The following CCT3 variants were observed in gnomAD, a reference collection of about 807,000 sequenced individuals.
The protein encoded by CCT3 is chaperonin containing TCP1 subunit 3, also known as T-complex protein 1 subunit gamma.
A neutral mutation model predicts 65.3 loss-of-function variants in CCT3; 10 were observed. The ratio of observed to expected loss-of-function variants is 0.15; its 90% CI spans 0.09 to 0.26. CCT3 has a LOEUF of 0.26. Among genes scored for constraint, CCT3 ranks in the 10% least tolerant of loss-of-function variants. The pLI, the probability that CCT3 is intolerant of heterozygous loss-of-function variation, is 1.00. For synonymous variants in CCT3, 225 were observed against 242.3 expected (o/e 0.93, Z 0.66); for missense variants, 626 against 708.7 (o/e 0.88, Z 1.33).
At chr1:156,317,041 G>T (rs1354263225) in intron 10 of CCT3, 125 bp downstream of exon 10, 10 of 826,172 alleles carry the variant, frequency 1.2e-5, no homozygotes, top group African/African-American at 1.7e-5. Flanking sequence ...AGGCAGCTAA[G>T]CCAAGGTTAT....
intron 5 of CCT3, among the ~76,000 whole-genome samples, chr1:156,327,817 G>A (rs1315101558): frequency 3.3e-4 from 50 of 150,208 alleles, no homozygotes; most frequent in African/African-American, 1.0e-3. Context: ...TTCTCTGCCC[G>A]GCCGCCATCC....
At chr1:156,314,275 T>C (rs1215237556) in intron 10 of CCT3, among the ~76,000 whole-genome samples, 1 of 152,128 alleles carries the variant, frequency 6.6e-6, no homozygotes, top group Non-Finnish European at 1.5e-5. Flanking sequence ...CATGACTTCG[T>C]AGGATTTATG....
chr1:156,322,980 G>C (rs1036307283), intron 6 of CCT3, among the ~76,000 whole-genome samples: 7 of 151,660 alleles, frequency 4.6e-5, no homozygotes, highest in Non-Finnish European at 1.0e-4. Context: ...AAGTGTGCCA[G>C]ACAAAGATAT....
At chr1:156,324,542 G>A (rs1269060046) in intron 6 of CCT3, among the ~76,000 whole-genome samples, 1 of 151,978 alleles carries the variant, frequency 6.6e-6, no homozygotes, top group Non-Finnish European at 1.5e-5. Flanking sequence ...AGAGATCTTG[G>A]CTCACTGCAA....
At chr1:156,322,617 G>A (rs1640542707) in intron 6 of CCT3, among the ~76,000 whole-genome samples, 1 of 152,060 alleles carries the variant, frequency 6.6e-6, no homozygotes, top group Admixed American at 6.6e-5. Flanking sequence ...CAGCACCTTG[G>A]GAGGCCGAGG....
chr1:156,311,133 C>G lies in CCT3; in HGVS notation c.1218G>C (p.Gln406His). 6.2e-7 allele frequency: 1 copy of G among 1,614,016 alleles called. No homozygotes were observed. The highest frequency in any genetic ancestry group is 8.5e-7 in the Non-Finnish European group (1 of 1,179,912). ...QVCRNVLLDP[Q>H]LVPGGGASEM... Reference sequence around the variant, plus strand: ...CGGAGGCCCCACCCCCTGGCACCAGCTGAGGGTCCAGGAGAACATTGCGAC... The same window carrying G: ...CGGAGGCCCCACCCCCTGGCACCAGGTGAGGGTCCAGGAGAACATTGCGAC... The change falls in exon 12 of 14, where the codon CAG becomes CAC. Residue 406 changes from glutamine to histidine, a missense_variant. Transcript: ENST00000295688.
chr1:156,320,409 CA>C (rs201201084), intron 7 of CCT3, among the ~76,000 whole-genome samples: 1 of 151,930 alleles, frequency 6.6e-6, no homozygotes, highest in Non-Finnish European at 1.5e-5. Context: ...GACTCCATCT[CA>C]AAAAAACAAA....
rs138107820 is a variant in CCT3, at chr1:156,329,341, C to T, written c.304+4206G>A. On this transcript the variant is annotated intron_variant, in intron 5 of 13. Transcript: ENST00000295688. ...TTTTTTTTTGAGACGGAATCTTGCT[C>T]TGTTGCCAGGCTGGAGTGCAGTGGT... 6.1e-3 allele frequency among the ~76,000 whole-genome samples: 845 copies of T among 137,436 alleles called. 4 individuals are homozygous for T. The highest frequency in any genetic ancestry group is 0.043 in the Middle Eastern group (10 of 234). 90.2% of individuals were successfully genotyped at this position (137,436 alleles called of 152,430 possible). A position where few individuals can be genotyped will look rare whatever the true frequency, so the allele number is the denominator to read the frequency against.
At chr1:156,334,667 CA>C (rs1250343402) in intron 4 of CCT3, 45 bp downstream of exon 4, 1 of 1,573,870 alleles carries the variant, frequency 6.4e-7, no homozygotes, top group African/African-American at 1.4e-5. Flanking sequence ...TTTATGTTTA[CA>C]GAACTGTCAG....
At chr1:156,336,085 CTTATGG>C in intron 1 of CCT3, 197 bp from the exon 2 acceptor site, 1 of 453,236 alleles carries the variant, frequency 2.2e-6, no homozygotes, top group South Asian at 5.4e-5. Context: ...AACATATGTC[CTTATGG>C]CTGTTAACTT....
In CCT3 at chr1:156,322,787, G is replaced by A. The variant is rs553769425; in HGVS notation, c.423-1762C>T. On this transcript the variant is annotated intron_variant, in intron 6 of 13. Transcript: ENST00000295688. The stretch of plus-strand genomic sequence containing the variant: ...GGCAGGAAAACTGCTTGAAGCCAGG[G>A]AGCAGAGGTTGTAGTGAGCTGAGAT... Among the ~76,000 whole-genome samples, 32 of 152,046 alleles carry A rather than the reference G, an allele frequency of 2.1e-4. No homozygotes were observed. The South Asian group carries it at 5.6e-3, about 27-fold the overall frequency.
At chr1:156,314,081 G>C (rs1303924665) in intron 10 of CCT3, among the ~76,000 whole-genome samples, 2 of 76,482 alleles carry the variant, frequency 2.6e-5, no homozygotes, top group Non-Finnish European at 2.4e-5. Context: ...GCGAGACTCT[G>C]TCTCCAAAAA....
At chr1:156,314,804 A>T (rs1055007132) in intron 10 of CCT3, among the ~76,000 whole-genome samples, 1 of 152,196 alleles carries the variant, frequency 6.6e-6, no homozygotes, top group Non-Finnish European at 1.5e-5. Context: ...ACGATGAGGA[A>T]GATGATGTAG....
intron 10 of CCT3, 122 bp downstream of exon 10, chr1:156,317,044 A>G: frequency 1.2e-6 from 1 of 852,598 alleles, no homozygotes; most frequent in Admixed American, 2.1e-5. Context: ...CAGCTAAGCC[A>G]AGGTTATTTC....
At chr1:156,327,833 A>G (rs1271353234) in intron 5 of CCT3, among the ~76,000 whole-genome samples, 1 of 136,466 alleles carries the variant, frequency 7.3e-6, no homozygotes, top group Non-Finnish European at 1.6e-5. Context: ...CATCCCATCT[A>G]GGAAGTGAGG....
chr1:156,334,413 A>C (rs1044881273), intron 4 of CCT3, among the ~76,000 whole-genome samples: 1 of 152,166 alleles, frequency 6.6e-6, no homozygotes, highest in Non-Finnish European at 1.5e-5. Context: ...ACACAAGGGG[A>C]ATAACATGAA....
At chr1:156,337,848 G>C (rs1665506210) in intron 1 of CCT3, 2 of 488,958 alleles carry the variant, frequency 4.1e-6, no homozygotes, top group Non-Finnish European at 7.3e-6. Context: ...AATCAGGCTA[G>C]AAAGGGCGCA....
chr1:156,322,374 G>A (rs970601401), intron 6 of CCT3, among the ~76,000 whole-genome samples: 1 of 152,014 alleles, frequency 6.6e-6, no homozygotes, highest in Non-Finnish European at 1.5e-5. Flanking sequence ...GTATGCGCCT[G>A]TAGTCCCAGC....
rs1012059196 is a variant in CCT3, at chr1:156,320,873, T to G, written c.575A>C (p.Glu192Ala). 3 of 1,612,430 alleles carry G rather than the reference T, an allele frequency of 1.9e-6. No individual in the cohort carries two copies. The highest frequency in any genetic ancestry group is 2.5e-6 in the Non-Finnish European group (3 of 1,178,896). ...TCTTGCATATTTTTTTATGTCAATCTCTTTCCGACCATTCTCCTCAAACTG... is the reference window on the plus strand; with the variant it reads ...TCTTGCATATTTTTTTATGTCAATCGCTTTCCGACCATTCTCCTCAAACTG... ...MVQFEENGRK[E>A]IDIKKYARVE... is the part of the protein sequence containing the mutation. The change falls in exon 7 of 14, where the codon GAG becomes GCG. Residue 192 changes from glutamate to alanine, a missense_variant. Glu to Ala is a moderately radical substitution (Grantham distance 107). Coordinates refer to ENST00000295688, the MANE Select transcript of CCT3 (RefSeq NM_005998.5).
Sources: gnomAD v4.1 joint callset for allele counts (sites outside exome capture counted in the v4.1 genomes callset) on GRCh38, gnomAD v4.1.1 for gene constraint, MANE v1.5 for transcripts, NCBI Gene and HGNC (gene_info 2026-07-23, HGNC 2026-07-21) for gene names.